The following TGFA variants were observed in gnomAD, a reference collection of about 807,000 sequenced individuals.
TGFA encodes the protein transforming growth factor alpha.
TGFA carries 12 observed loss-of-function variants against 21.7 expected under a neutral mutation model. The observed-to-expected ratio is 0.55, with a 90% CI of 0.35 to 0.90. The LOEUF is 0.90. Ranked by LOEUF, TGFA falls within the 40% of genes least tolerant of loss-of-function variation. TGFA has a pLI of 0.01. For synonymous variants in TGFA, 79 were observed against 88.1 expected, an observed-to-expected ratio of 0.90 and a Z score of 0.58; for missense variants, 178 against 210.8, an observed-to-expected ratio of 0.84 and a Z score of 0.96.
At chr2:70,523,779 T>C (rs970535629) in intron 1 of TGFA, among the ~76,000 whole-genome samples, 2 of 152,226 alleles carry the variant, frequency 1.3e-5, no homozygotes, top group Non-Finnish European at 2.9e-5. Context: ...TATCTTTCCC[T>C]ACTTCAAGAG....
chr2:70,551,926 A>C (rs2103964326), intron 1 of TGFA, among the ~76,000 whole-genome samples: 1 of 152,306 alleles, frequency 6.6e-6, no homozygotes, highest in Middle Eastern at 3.4e-3. Flanking sequence ...GGGTGTAGGG[A>C]CAGCTTTCAA....
intron 1 of TGFA, among the ~76,000 whole-genome samples, chr2:70,518,779 G>A (rs1672363886): frequency 1.3e-5 from 2 of 152,196 alleles, no homozygotes; most frequent in Admixed American, 6.5e-5. Context: ...GCTGGGAGGA[G>A]CATCCTCTGG....
Position 70,450,516 on chromosome 2 carries a change from G to A in TGFA, c.*343C>T. ...CCCATTAAAAAGAAATATATAGCCT[G>A]GAATCCATGGCTGGCAGAAGACAAC... On this transcript the variant is annotated 3_prime_UTR_variant, in exon 6 of 6. Coordinates refer to ENST00000295400, the MANE Select transcript of TGFA (RefSeq NM_003236.4). 1 of 255,498 alleles carries A rather than the reference G, an allele frequency of 3.9e-6. No homozygotes were observed. The highest frequency in any genetic ancestry group is 7.5e-6 in the Non-Finnish European group (1 of 132,628). 15.8% of individuals were successfully genotyped at this position (255,498 alleles called of 1,614,324 possible). A position where few individuals can be genotyped will look rare whatever the true frequency, so the allele number is the denominator to read the frequency against.
At chr2:70,524,831 A>G (rs1672586192) in intron 1 of TGFA, among the ~76,000 whole-genome samples, 1 of 152,222 alleles carries the variant, frequency 6.6e-6, no homozygotes, top group African/African-American at 2.4e-5. Flanking sequence ...CTGGCTGACA[A>G]GAAGTACAGG....
At chr2:70,492,984 A>C (rs1293633122) in intron 2 of TGFA, among the ~76,000 whole-genome samples, 1 of 152,178 alleles carries the variant, frequency 6.6e-6, no homozygotes, top group Non-Finnish European at 1.5e-5. Context: ...AAAATTTTAA[A>C]ATGTAGCCCT....
At chr2:70,549,335 G>A (rs1186565309) in intron 1 of TGFA, among the ~76,000 whole-genome samples, 1 of 152,190 alleles carries the variant, frequency 6.6e-6, no homozygotes, top group Non-Finnish European at 1.5e-5. Flanking sequence ...TAGGTAACAT[G>A]CAATTGGTTA....
intron 2 of TGFA, among the ~76,000 whole-genome samples, chr2:70,478,248 A>G (rs960361892): frequency 6.6e-6 from 1 of 152,224 alleles, no homozygotes; most frequent in African/African-American, 2.4e-5. Flanking sequence ...GCAACTCTAT[A>G]AAACAAAATA....
At chr2:70,532,684 C>T (rs17005823) in intron 1 of TGFA, among the ~76,000 whole-genome samples, 5,692 of 152,240 alleles carry the variant, frequency 0.037, 331 homozygotes, top group African/African-American at 0.13. Flanking sequence ...GAGAAACTGC[C>T]CATCCTCTCT....
At chr2:70,452,382 C>T (rs1319793639) in intron 5 of TGFA, among the ~76,000 whole-genome samples, 1 of 152,120 alleles carries the variant, frequency 6.6e-6, no homozygotes, top group African/African-American at 2.4e-5. Flanking sequence ...GCAAGCTGGG[C>T]CCCACATCCT....
chr2:70,484,784 G>A (rs113055858), intron 2 of TGFA, among the ~76,000 whole-genome samples: 1,611 of 152,228 alleles, frequency 0.011, 42 homozygotes, highest in African/African-American at 0.037. Context: ...CTGTTCTAAG[G>A]GTGATTCTCC....
intron 2 of TGFA, among the ~76,000 whole-genome samples, chr2:70,482,071 C>G (rs1553495663): frequency 6.6e-6 from 1 of 151,616 alleles, no homozygotes; most frequent in African/African-American, 2.4e-5. Flanking sequence ...ATTCTTTAAG[C>G]AAGAAAGTCT....
At chr2:70,504,483 T>TACACACAC (rs58997765) in intron 2 of TGFA, among the ~76,000 whole-genome samples, 76 of 92,040 alleles carry the variant, frequency 8.3e-4, no homozygotes, top group Middle Eastern at 5.0e-3. Flanking sequence ...CATACATACA[T>TACACACAC]ACACACACAC....
chr2:70,460,656 G>A (rs1670379660), intron 3 of TGFA, among the ~76,000 whole-genome samples: 1 of 152,154 alleles, frequency 6.6e-6, no homozygotes, highest in Non-Finnish European at 1.5e-5. Context: ...GATTCACCAA[G>A]TCCTATAACC....
intron 1 of TGFA, among the ~76,000 whole-genome samples, chr2:70,551,796 C>T (rs3771471): frequency 0.24 from 36,756 of 151,600 alleles, 4,989 homozygotes; most frequent in East Asian, 0.36. Context: ...AAAGTTTATA[C>T]ATCATTTTCT....
chr2:70,470,552 G>A (rs1670711264), intron 2 of TGFA, among the ~76,000 whole-genome samples: 1 of 152,218 alleles, frequency 6.6e-6, no homozygotes, highest in South Asian at 2.1e-4. Context: ...ATGACATCCT[G>A]AACAATTTCC....
At chr2:70,451,997 G>C (rs565337003) in intron 5 of TGFA, among the ~76,000 whole-genome samples, 1 of 152,292 alleles carries the variant, frequency 6.6e-6, no homozygotes, top group African/African-American at 2.4e-5. Context: ...TACTGTGCAC[G>C]ATGACTATGG....
intron 2 of TGFA, among the ~76,000 whole-genome samples, chr2:70,500,358 T>C (rs1671700773): frequency 6.6e-6 from 1 of 152,146 alleles, no homozygotes; most frequent in African/African-American, 2.4e-5. Flanking sequence ...AAAAATACAC[T>C]GATATTTTAA....
intron 3 of TGFA, 37 bp from the exon 4 acceptor site, chr2:70,456,525 A>G (rs1355974781): frequency 1.9e-6 from 3 of 1,569,554 alleles, no homozygotes; most frequent in Non-Finnish European, 1.7e-6. Context: ...CTCTCCTGAC[A>G]AAAGGTCTTG....
chr2:70,462,228 A>C (rs926694332), intron 3 of TGFA, among the ~76,000 whole-genome samples: 1 of 152,218 alleles, frequency 6.6e-6, no homozygotes, highest in Admixed American at 6.5e-5. Flanking sequence ...TTTCTGGTCT[A>C]GTGGGAATTC....
Sources: allele counts gnomAD v4.1 joint callset (sites outside exome capture counted in the v4.1 genomes callset), GRCh38; gene constraint gnomAD v4.1.1; transcripts MANE v1.5; gene names NCBI Gene and HGNC (gene_info 2026-07-23, HGNC 2026-07-21).